The following ITPK1 variants were observed in gnomAD, a reference collection of about 807,000 sequenced individuals.
The protein encoded by ITPK1 is inositol-tetrakisphosphate 1-kinase.
A neutral mutation model predicts 45.3 loss-of-function variants in ITPK1; 21 were observed. The ratio of observed to expected loss-of-function variants is 0.46; its 90% CI spans 0.33 to 0.67. The LOEUF (loss-of-function observed/expected upper bound fraction) is 0.67, where lower values mean the gene tolerates loss of function less well. Among genes scored for constraint, ITPK1 ranks in the 30% least tolerant of loss-of-function variants. The pLI, the probability that ITPK1 is intolerant of heterozygous loss-of-function variation, is 0.02. For synonymous variants in ITPK1, 258 were observed against 253.6 expected, an observed-to-expected ratio of 1.02 and a Z score of -0.16; for missense variants, 474 against 573.5, an observed-to-expected ratio of 0.83 and a Z score of 1.77.
intron 3 of ITPK1, among the ~76,000 whole-genome samples, chr14:93,026,504 G>A (rs752100886): frequency 3.9e-5 from 6 of 152,218 alleles, no homozygotes; most frequent in Non-Finnish European, 5.9e-5. Flanking sequence ...ATAACAGACT[G>A]TATCGGCCAG....
At chr14:93,061,051 T>C (rs1156785934) in intron 3 of ITPK1, among the ~76,000 whole-genome samples, 1 of 152,188 alleles carries the variant, frequency 6.6e-6, no homozygotes, top group Non-Finnish European at 1.5e-5. Context: ...ACTGGCTCCA[T>C]ACCACTAGGG....
intron 10 of ITPK1, 81 bp from the exon 11 acceptor site, chr14:92,941,985 C>A: frequency 8.2e-7 from 1 of 1,216,648 alleles, no homozygotes; most frequent in South Asian, 1.3e-5. Flanking sequence ...GAGGCAGAAC[C>A]GATGGGCTCC....
chr14:92,960,973 C>A (rs1227237257), intron 7 of ITPK1, among the ~76,000 whole-genome samples: 2 of 152,268 alleles, frequency 1.3e-5, no homozygotes, highest in Non-Finnish European at 2.9e-5. Flanking sequence ...ACACTCCTTC[C>A]CATCACAGCA....
chr14:92,975,844 T>C (rs913945509), intron 5 of ITPK1, among the ~76,000 whole-genome samples: 2 of 152,128 alleles, frequency 1.3e-5, no homozygotes, highest in African/African-American at 2.4e-5. Flanking sequence ...AATCTCATCA[T>C]CCCCATGTCA....
intron 2 of ITPK1, among the ~76,000 whole-genome samples, chr14:93,094,587 G>A (rs966799534): frequency 5.9e-5 from 9 of 152,098 alleles, no homozygotes; most frequent in Non-Finnish European, 1.2e-4. Flanking sequence ...TCTCCCTGGC[G>A]GAAGCTTAGG....
chr14:92,983,784 A>G (rs1465606890), intron 5 of ITPK1, among the ~76,000 whole-genome samples: 2 of 152,078 alleles, frequency 1.3e-5, no homozygotes, highest in Non-Finnish European at 2.9e-5. Flanking sequence ...TTATGCAGAA[A>G]TATGCAGGGA....
At chr14:93,025,765 C>G (rs1161667460) in intron 3 of ITPK1, among the ~76,000 whole-genome samples, 4 of 151,792 alleles carry the variant, frequency 2.6e-5, no homozygotes, top group African/African-American at 9.7e-5. Flanking sequence ...AGATCTAGGT[C>G]CTCCCTTTTT....
intron 9 of ITPK1, among the ~76,000 whole-genome samples, chr14:92,947,625 C>G (rs112189316): frequency 3.3e-5 from 5 of 152,336 alleles, no homozygotes; most frequent in African/African-American, 1.2e-4. Flanking sequence ...AAGGTGTGGA[C>G]AGCATGTGCC....
chr14:92,984,412 A>T (rs747872336), intron 5 of ITPK1, among the ~76,000 whole-genome samples: 5 of 152,228 alleles, frequency 3.3e-5, no homozygotes, highest in Non-Finnish European at 5.9e-5. Flanking sequence ...CACTGATTCT[A>T]TGGCATGTTT....
intron 4 of ITPK1, among the ~76,000 whole-genome samples, chr14:93,002,433 G>A (rs1887400127): frequency 6.6e-6 from 1 of 152,224 alleles, no homozygotes; most frequent in East Asian, 1.9e-4. Flanking sequence ...CCAAGATGGA[G>A]TCTGAACCCA....
chr14:93,074,604 C>T (rs1891143020), intron 3 of ITPK1, among the ~76,000 whole-genome samples: 2 of 152,206 alleles, frequency 1.3e-5, no homozygotes, highest in African/African-American at 2.4e-5. Flanking sequence ...ACAGCAGTTC[C>T]CCCATGGACC....
intron 8 of ITPK1, among the ~76,000 whole-genome samples, chr14:92,952,697 G>A (rs954964513): frequency 5.9e-5 from 9 of 152,160 alleles, no homozygotes; most frequent in East Asian, 1.9e-4. Context: ...CACCCGGCCC[G>A]TACAGGCCCA....
At position 93,034,144 on chromosome 14, in the gene ITPK1, C is replaced by T. The variant is rs1038249968; in HGVS notation, c.121-17343G>A. On this transcript the variant is annotated intron_variant, in intron 3 of 10. Transcript: ENST00000267615. This position sits in a 1 kb window ranked among gnomAD's most constrained non-coding sequence, Gnocchi z 4.1. Reference sequence around the variant, plus strand: ...CATGGGTCCCTGGTAAGCCCTGCCCCGACACCTTCCTCCCAGGTGCCCTCC... The same window carrying T: ...CATGGGTCCCTGGTAAGCCCTGCCCTGACACCTTCCTCCCAGGTGCCCTCC... 6.6e-6 allele frequency among the ~76,000 whole-genome samples: 1 copy of T among 152,124 alleles called. No individual in the cohort carries two copies. The highest frequency in any genetic ancestry group is 2.4e-5 in the African/African-American group (1 of 41,412).
At chr14:92,980,145 C>A (rs1336997331) in intron 5 of ITPK1, among the ~76,000 whole-genome samples, 1 of 152,148 alleles carries the variant, frequency 6.6e-6, no homozygotes, top group African/African-American at 2.4e-5. Context: ...GCACTGAGGC[C>A]TGGATCATCT....
rs1336531295 is a variant in ITPK1, at chr14:93,063,370, G to A, written c.120+13225C>T. Among the ~76,000 whole-genome samples the A allele has an allele frequency of 6.6e-6, 1 of 152,134 alleles. No homozygotes were observed. Among genetic ancestry groups the A allele is most frequent in the Non-Finnish European group, 1.5e-5 (1 of 68,030 alleles). The stretch of plus-strand genomic sequence containing the variant: ...CCAAACTCCTGCCCAGTGAGACAGG[G>A]GTGTGAGCTTCACAAGACCCCTCGA... On this transcript the variant is annotated intron_variant, in intron 3 of 10. Coordinates refer to ENST00000267615, the MANE Select transcript of ITPK1 (RefSeq NM_014216.6). This position sits in a 1 kb window ranked among gnomAD's most constrained non-coding sequence, Gnocchi z 4.3.
intron 9 of ITPK1, among the ~76,000 whole-genome samples, chr14:92,948,370 T>C (rs117113081): frequency 1.3e-5 from 2 of 152,354 alleles, no homozygotes; most frequent in East Asian, 3.9e-4. Context: ...TTATTTTATT[T>C]AGAGACAATG....
At chr14:93,006,271 G>A (rs1211809532) in intron 4 of ITPK1, among the ~76,000 whole-genome samples, 1 of 152,198 alleles carries the variant, frequency 6.6e-6, no homozygotes, top group Admixed American at 6.5e-5. Flanking sequence ...GAAGGGCTGG[G>A]GAAGCTTCCC....
At chr14:92,982,640 G>A (rs918213531) in intron 5 of ITPK1, among the ~76,000 whole-genome samples, 2 of 152,154 alleles carry the variant, frequency 1.3e-5, no homozygotes, top group Admixed American at 6.5e-5. Flanking sequence ...CACACCATGC[G>A]GGCTTCTGAC....
At position 92,976,309 on chromosome 14, in the gene ITPK1, G is replaced by A. The variant is rs141438713; in HGVS notation, c.365-13460C>T. Among the ~76,000 whole-genome samples the A allele has an allele frequency of 6.9e-3, 1,055 of 152,244 alleles. 9 individuals are homozygous for A. Among genetic ancestry groups the A allele is most frequent in the African/African-American group, 0.024 (1,003 of 41,530 alleles). On this transcript the variant is annotated intron_variant, in intron 5 of 10. Coordinates refer to ENST00000267615, the MANE Select transcript of ITPK1 (RefSeq NM_014216.6). ...ATGCTGTTCCCTTGAATGTGAACTGGCCCTAGAGCCTCACAGATAAATAGA... is the reference window on the plus strand; with the variant it reads ...ATGCTGTTCCCTTGAATGTGAACTGACCCTAGAGCCTCACAGATAAATAGA...
Sources: allele counts gnomAD v4.1 joint callset (sites outside exome capture counted in the v4.1 genomes callset), GRCh38; gene constraint gnomAD v4.1.1; non-coding constraint Gnocchi (gnomAD v3.1); transcripts MANE v1.5; gene names NCBI Gene and HGNC (gene_info 2026-07-23, HGNC 2026-07-21).